The following RP9 variants were observed in gnomAD, a reference collection of about 807,000 sequenced individuals.
The protein encoded by RP9 is RP9 pre-mRNA splicing factor.
RP9 carries 23 observed loss-of-function variants against 32.6 expected under a neutral mutation model. That is an observed-to-expected ratio of 0.71 (90% CI 0.51 to 1.00). The LOEUF (loss-of-function observed/expected upper bound fraction) is 1.00, where lower values mean the gene tolerates loss of function less well. Among genes scored for constraint, RP9 ranks in the 50% least tolerant of loss-of-function variants. The pLI is 0.00. For synonymous variants in RP9, 94 were observed against 103.6 expected (o/e 0.91, Z 0.56); for missense variants, 245 against 285.3 (o/e 0.86, Z 1.02).
Position 33,095,142 on chromosome 7 carries a change from G to C in RP9, c.*92C>G. On this transcript the variant is annotated 3_prime_UTR_variant, in exon 6 of 6. Coordinates refer to ENST00000297157, the MANE Select transcript of RP9 (RefSeq NM_203288.2). The stretch of plus-strand genomic sequence containing the variant: ...TGTGACCCACATATACTCCTCTCTC[G>C]GCGTCTCTATCCTGCTGCTTTCTCT... 1 of 1,501,100 alleles carries C rather than the reference G, an allele frequency of 6.7e-7. No homozygotes were observed. The highest frequency in any genetic ancestry group is 1.1e-5 in the South Asian group (1 of 87,710). 93.0% of individuals were successfully genotyped at this position (1,501,100 alleles called of 1,614,324 possible).
chr7:33,099,901 C>A (rs1008102932), intron 2 of RP9, among the ~76,000 whole-genome samples: 5 of 152,202 alleles, frequency 3.3e-5, no homozygotes, highest in Admixed American at 1.3e-4. Flanking sequence ...TTTTACCACT[C>A]AATAACTGCA....
chr7:33,100,077 C>T (rs1788403483), intron 2 of RP9: 1 of 198,922 alleles, frequency 5.0e-6, no homozygotes. Flanking sequence ...CGTGCACACA[C>T]ACCCTGGCAC....
At chr7:33,096,139 A>G (rs765390337) in intron 5 of RP9, among the ~76,000 whole-genome samples, 1 of 152,238 alleles carries the variant, frequency 6.6e-6, no homozygotes, top group Non-Finnish European at 1.5e-5. Flanking sequence ...TGGCCTAAGT[A>G]TAATTTTTAA....
Position 33,109,361 on chromosome 7 carries a change from C to G in RP9, c.12G>C (p.Arg4=), listed in dbSNP as rs1284593906. 7.0e-7 allele frequency: 1 copy of G among 1,419,156 alleles called. No individual in the cohort carries two copies. The highest frequency in any genetic ancestry group is 9.2e-7 in the Non-Finnish European group (1 of 1,087,888). The allele number at this position is 1,419,156 out of a possible 1,614,324, so 87.9% of individuals were successfully genotyped here. The change falls in exon 1 of 6, where the codon CGG becomes CGC. Residue 4 remains arginine, a synonymous_variant. Transcript: ENST00000297157. This position sits in a 1 kb window ranked among gnomAD's most constrained non-coding sequence, Gnocchi z 4.9. MSS[R]PGREDVGAAG... ...CAGCCCCCACGTCCTCGCGCCCAGG[C>G]CGGGACGACATGTCAGCCCCCGCAG...
At position 33,100,849 on chromosome 7, in the gene RP9, G is replaced by A. The variant is rs879022375; in HGVS notation, c.153-288C>T. ...GCACGCAAGTCTCCAGATGGGACAG[G>A]CAGCAAGATGGGAAGGAAATTCTGA... On this transcript the variant is annotated intron_variant, in intron 1 of 5. Transcript: ENST00000297157. The A allele has an allele frequency of 1.1e-4, 60 of 563,916 alleles. 1 individual carries two copies. Among genetic ancestry groups the A allele is most frequent in the South Asian group, 9.7e-4 (58 of 59,726 alleles). 34.9% of individuals were successfully genotyped at this position (563,916 alleles called of 1,614,324 possible). A position where few individuals can be genotyped will look rare whatever the true frequency, so the allele number is the denominator to read the frequency against.
chr7:33,108,427 T>A (rs1262502636), intron 1 of RP9, among the ~76,000 whole-genome samples: 2 of 152,210 alleles, frequency 1.3e-5, no homozygotes, highest in African/African-American at 2.4e-5. Context: ...GAGCTATAAG[T>A]AACAGAACCA....
chr7:33,100,954 C>T (rs1181028373), intron 1 of RP9: 3 of 367,338 alleles, frequency 8.2e-6, no homozygotes, highest in Admixed American at 7.5e-5. Context: ...GAGTAATATG[C>T]AAATATTTTT....
chr7:33,095,367 G>A lies in RP9; in HGVS notation c.533C>T (p.Ser178Phe), dbSNP rs1303129327. Reference protein sequence around the residue: ...TSDEDRSSSSSSEGKEKHKKK... With the variant: ...TSDEDRSSSSFSEGKEKHKKK... ...CTTGTGTTTCTCTTTACCTTCAGAG[G>A]AACTGGAGCTGCTCCTATCTTCATC... Residue 178 changes from serine (S) to phenylalanine (F), a missense_variant, in exon 6 of 6, where the codon TCC becomes TTC. This residue lies in a region of RP9 where 63 missense variants were observed against 109.8 expected (regional missense o/e 0.57). Coordinates refer to ENST00000297157, the MANE Select transcript of RP9 (RefSeq NM_203288.2). The A allele has an allele frequency of 6.2e-7, 1 of 1,613,630 alleles. No homozygotes were observed. Among genetic ancestry groups the A allele is most frequent in the East Asian group, 2.2e-5 (1 of 44,874 alleles).
chr7:33,107,278 G>GT (rs1362837162), intron 1 of RP9, among the ~76,000 whole-genome samples: 1 of 152,138 alleles, frequency 6.6e-6, no homozygotes, highest in Non-Finnish European at 1.5e-5. Flanking sequence ...AGATTTGCTG[G>GT]TTAACTAACT....
intron 1 of RP9, among the ~76,000 whole-genome samples, chr7:33,105,233 T>C (rs755830779): frequency 2.0e-5 from 3 of 152,134 alleles, no homozygotes; most frequent in East Asian, 1.9e-4. Flanking sequence ...AAAAGTACTA[T>C]TGGGGCTCAG....
chr7:33,104,210 T>A (rs1788467431), intron 1 of RP9, among the ~76,000 whole-genome samples: 1 of 151,768 alleles, frequency 6.6e-6, no homozygotes, highest in Admixed American at 6.6e-5. Context: ...AAATAAGACA[T>A]AAATTTATAT....
intron 2 of RP9, chr7:33,100,007 C>T (rs1049972162): frequency 8.8e-5 from 15 of 170,812 alleles, no homozygotes; most frequent in Admixed American, 2.2e-4. Context: ...AATATTTCTT[C>T]GCTGAGAGTT....
At chr7:33,100,461 T>C in intron 2 of RP9, 70 bp downstream of exon 2, 1 of 1,295,100 alleles carries the variant, frequency 7.7e-7, no homozygotes, top group South Asian at 1.2e-5. Flanking sequence ...TGCAATTATT[T>C]TTCATAACAA....
chr7:33,100,464 C>A, intron 2 of RP9, 67 bp downstream of exon 2: 1 of 1,308,966 alleles, frequency 7.6e-7, no homozygotes, highest in Non-Finnish European at 1.1e-6. Flanking sequence ...AATTATTTTT[C>A]ATAACAAGTT....
In RP9 at chr7:33,109,134, C is replaced by T; in HGVS notation, c.152+87G>A. Reference sequence around the variant, plus strand: ...GCCTGCTCGCGGGGGCTCGGAGGACCCGGCCTAGCGCCCACCGCGGCGTCC... The same window carrying T: ...GCCTGCTCGCGGGGGCTCGGAGGACTCGGCCTAGCGCCCACCGCGGCGTCC... On this transcript the variant is annotated intron_variant, in intron 1 of 5. Transcript: ENST00000297157. The surrounding 1 kb of genome is among the most constrained non-coding windows in gnomAD (Gnocchi z 4.9). The T allele has an allele frequency of 1.4e-6, 2 of 1,432,080 alleles. No individual in the cohort carries two copies. Among genetic ancestry groups the T allele is most frequent in the Non-Finnish European group, 9.2e-7 (1 of 1,091,990 alleles). 88.7% of individuals were successfully genotyped at this position (1,432,080 alleles called of 1,614,324 possible). A position where few individuals can be genotyped will look rare whatever the true frequency, so the allele number is the denominator to read the frequency against.
Position 33,098,662 on chromosome 7 carries a change from C to T in RP9, c.313+645G>A, listed in dbSNP as rs762415667. Among the ~76,000 whole-genome samples, 18 of 152,292 alleles carry T rather than the reference C, an allele frequency of 1.2e-4. 1 individual carries two copies. In the Middle Eastern group the frequency reaches 0.01, roughly 86 times the overall value. On this transcript the variant is annotated intron_variant, in intron 3 of 5. Coordinates refer to ENST00000297157, the MANE Select transcript of RP9 (RefSeq NM_203288.2). The stretch of plus-strand genomic sequence containing the variant: ...AACCGATAGATACTGAACTCTGAGG[C>T]ACGTTGTCTTTGCTTTTAACAAATA...
At position 33,109,363 on chromosome 7, in the gene RP9, G is replaced by T; in HGVS notation, c.10C>A (p.Arg4=). 1.4e-6 allele frequency: 2 copies of T among 1,414,950 alleles called. No individual in the cohort carries two copies. Among genetic ancestry groups the T allele is most frequent in the South Asian group, 1.4e-5 (1 of 72,862 alleles). The allele number at this position is 1,414,950 out of a possible 1,614,324, so 87.6% of individuals were successfully genotyped here. A position where few individuals can be genotyped will look rare whatever the true frequency, so the allele number is the denominator to read the frequency against. ...GCCCCCACGTCCTCGCGCCCAGGCC[G>T]GGACGACATGTCAGCCCCCGCAGCG... MSS[R]PGREDVGAAG... Residue 4 remains arginine (R), a synonymous_variant, in exon 1 of 6, where the codon CGG becomes AGG. Transcript: ENST00000297157. The surrounding 1 kb of genome is among the most constrained non-coding windows in gnomAD (Gnocchi z 4.9).
At chr7:33,101,617 AAT>A (rs1788426400) in intron 1 of RP9, among the ~76,000 whole-genome samples, 1 of 135,638 alleles carries the variant, frequency 7.4e-6, no homozygotes, top group South Asian at 2.4e-4. Flanking sequence ...AAAAAAAAAA[AAT>A]TCATTCTCCC....
At chr7:33,100,398 C>CA (rs1288527812) in intron 2 of RP9, 133 bp downstream of exon 2, 1 of 802,362 alleles carries the variant, frequency 1.2e-6, no homozygotes, top group African/African-American at 1.7e-5. Context: ...TATGACCCCT[C>CA]ATTCATCTGC....
Sources: gnomAD v4.1 joint callset for allele counts (sites outside exome capture counted in the v4.1 genomes callset) on GRCh38, gnomAD v4.1.1 for gene constraint, gnomAD v4.1.1 regional missense constraint, Gnocchi (gnomAD v3.1) non-coding constraint, MANE v1.5 for transcripts, NCBI Gene and HGNC (gene_info 2026-07-23, HGNC 2026-07-21) for gene names.